Variants in TNK2 observed in about 807,000 individuals in gnomAD.
TNK2 encodes tyrosine kinase non receptor 2.
A neutral mutation model predicts 101.8 loss-of-function variants in TNK2; 83 were observed. The observed-to-expected ratio is 0.82, with a 90% CI of 0.68 to 0.98. The LOEUF (loss-of-function observed/expected upper bound fraction) is 0.98, where lower values mean the gene tolerates loss of function less well. TNK2 is among the 50% of genes least tolerant of loss of function. TNK2 has a pLI of 0.00. For missense variants in TNK2, 1,665 were observed against 1,483.2 expected (o/e 1.12, Z -2.01); for synonymous variants, 804 against 633.0 (o/e 1.27, Z -4.06).
At chr3:195,904,248 T>A (rs1353468550) in intron 1 of TNK2, among the ~76,000 whole-genome samples, 1 of 142,640 alleles carries the variant, frequency 7.0e-6, no homozygotes, top group African/African-American at 2.7e-5. Flanking sequence ...ACAGAGTGAG[T>A]GAGACCTTGT....
intron 1 of TNK2, among the ~76,000 whole-genome samples, chr3:195,900,486 T>C (rs1761090127): frequency 6.6e-6 from 1 of 152,152 alleles, no homozygotes; most frequent in South Asian, 2.1e-4. Context: ...TCCATCTGTA[T>C]CAAGTCTTGA....
intron 10 of TNK2, among the ~76,000 whole-genome samples, chr3:195,871,792 G>A (rs891658122): frequency 3.3e-5 from 5 of 152,224 alleles, no homozygotes; most frequent in Non-Finnish European, 7.3e-5. Context: ...TGCATTTACA[G>A]CCTTCCCCTT....
Position 195,886,909 on chromosome 3 carries a change from G to A in TNK2, c.234+68C>T. On this transcript the variant is annotated intron_variant, in intron 3 of 15. Coordinates refer to ENST00000672887, the MANE Select transcript of TNK2 (RefSeq NM_001382273.1). The surrounding 1 kb of genome is among the most constrained non-coding windows in gnomAD (Gnocchi z 4.2). ...GCCGGGGAGCTGGGGAAGGTTCCCA[G>A]GACCAGAAGCGGAGGGGGGCGTTCG... 1 of 1,565,638 alleles carries A rather than the reference G, an allele frequency of 6.4e-7. No individual in the cohort carries two copies.
chr3:195,878,741 C>T lies in TNK2; in HGVS notation c.1015-149G>A. The stretch of plus-strand genomic sequence containing the variant: ...TCTGCCTGCCTGGGAGGGGCCCTCT[C>T]CAGAGCCCCAGTCCCTTCTTCCCAG... On this transcript the variant is annotated intron_variant, in intron 7 of 15. Coordinates refer to ENST00000672887, the MANE Select transcript of TNK2 (RefSeq NM_001382273.1). This position sits in a 1 kb window ranked among gnomAD's most constrained non-coding sequence, Gnocchi z 4.7. The T allele has an allele frequency of 8.2e-7, 1 of 1,222,648 alleles. No individual in the cohort carries two copies. The highest frequency in any genetic ancestry group is 1.1e-6 in the Non-Finnish European group (1 of 892,662). 75.7% of individuals were successfully genotyped at this position (1,222,648 alleles called of 1,614,324 possible).
intron 1 of TNK2, among the ~76,000 whole-genome samples, chr3:195,902,648 A>T (rs1239869629): frequency 1.5e-5 from 1 of 67,854 alleles, no homozygotes; most frequent in African/African-American, 7.8e-5. Flanking sequence ...AACAAACATA[A>T]AAAAAAAAAA....
chr3:195,893,335 G>A (rs1251820850), intron 1 of TNK2, among the ~76,000 whole-genome samples: 1 of 151,912 alleles, frequency 6.6e-6, no homozygotes, highest in African/African-American at 2.4e-5. Context: ...GGTGGGGTGA[G>A]GATCCTCACC....
At chr3:195,873,369 G>A (rs1265637217) in intron 9 of TNK2, among the ~76,000 whole-genome samples, 3 of 152,242 alleles carry the variant, frequency 2.0e-5, no homozygotes, top group African/African-American at 7.2e-5. Flanking sequence ...TGAGGCTCCC[G>A]CGTCTGCTGC....
rs751027357 is a variant in TNK2, at chr3:195,868,411, C to A, written c.1887G>T (p.Arg629=). The A allele has an allele frequency of 2.5e-6, 4 of 1,578,610 alleles. No individual in the cohort carries two copies. Among genetic ancestry groups the A allele is most frequent in the Admixed American group, 1.8e-5 (1 of 56,570 alleles). Residue 629 remains arginine, a synonymous_variant, in exon 13 of 16, where the codon CGG becomes CGT. Transcript: ENST00000672887. ...PPQSPTRALP[R]PLHPTPVVDW... ...CCACCACAGGCGTGGGGTGCAGGGG[C>A]CGGGGCAGTGCCCGCGTGGGGCTCT...
chr3:195,895,926 G>GCTCCGCGCCGC (rs1378825028), intron 1 of TNK2: 2 of 162,702 alleles, frequency 1.2e-5, no homozygotes, highest in African/African-American at 2.4e-5. Context: ...CGCTCAGCCG[G>GCTCCGCGCCGC]CTCCGCGCCG....
chr3:195,869,943 C>G, intron 11 of TNK2, 171 bp downstream of exon 11: 1 of 595,398 alleles, frequency 1.7e-6, no homozygotes, highest in African/African-American at 1.9e-5. Context: ...ATACAGCTGC[C>G]TGTCTTCCAC....
chr3:195,891,077 A>T (rs995736655), intron 1 of TNK2, among the ~76,000 whole-genome samples: 1 of 152,244 alleles, frequency 6.6e-6, no homozygotes, highest in Non-Finnish European at 1.5e-5. Flanking sequence ...ATGTTAATAT[A>T]ACAGGTTATA....
In TNK2 at chr3:195,884,921, C is replaced by T; in HGVS notation, c.347G>A (p.Ser116Asn). 1 of 1,614,104 alleles carries T rather than the reference C, an allele frequency of 6.2e-7. No homozygotes were observed. The highest frequency in any genetic ancestry group is 8.5e-7 in the Non-Finnish European group (1 of 1,180,014). The change falls in exon 4 of 16, where the codon AGC becomes AAC. Residue 116 changes from serine to asparagine, a missense_variant. Transcript: ENST00000672887. The stretch of plus-strand genomic sequence containing the variant: ...CTTCTCCCCAATGAGGCAGGTGAGG[C>T]TCTGCAGGGGCCCCTCCCCTGCTGG... ...GGPAGEGPLQ[S>N]LTCLIGEKDL... is the part of the protein sequence containing the mutation.
intron 1 of TNK2, chr3:195,895,615 A>C: frequency 3.2e-6 from 4 of 1,263,538 alleles, no homozygotes; most frequent in South Asian, 2.9e-5. Context: ...CCCCGGGCTG[A>C]CCCCCACCGA....
intron 1 of TNK2, among the ~76,000 whole-genome samples, chr3:195,900,765 G>C (rs912406318): frequency 6.6e-6 from 1 of 152,342 alleles, no homozygotes; most frequent in Middle Eastern, 3.4e-3. Context: ...GCACTGTCAC[G>C]GCACGGGGGC....
intron 9 of TNK2, among the ~76,000 whole-genome samples, chr3:195,877,038 C>T (rs371290425): frequency 2.0e-5 from 3 of 152,154 alleles, no homozygotes; most frequent in African/African-American, 4.8e-5. Flanking sequence ...GGCTGGACTT[C>T]GGGCTGGAGG....
At chr3:195,876,486 A>C in intron 9 of TNK2, 1 of 456,802 alleles carries the variant, frequency 2.2e-6, no homozygotes, top group Non-Finnish European at 4.4e-6. Flanking sequence ...AGGCAGCCAA[A>C]CAAACATGGA....
Position 195,866,753 on chromosome 3 carries a change from C to T in TNK2, c.3161+136G>A, listed in dbSNP as rs1364663825. On this transcript the variant is annotated intron_variant, in intron 15 of 15. Coordinates refer to ENST00000672887, the MANE Select transcript of TNK2 (RefSeq NM_001382273.1). The stretch of plus-strand genomic sequence containing the variant: ...ACGATTTGCTGGGCCCTGTGAGCGC[C>T]TCCCTCCCGCAGCTGGAGAGCTGTG... The T allele has an allele frequency of 1.1e-5, 14 of 1,308,404 alleles. No individual in the cohort carries two copies. In the Admixed American group the frequency reaches 2.2e-4, roughly 21 times the overall value. The allele number at this position is 1,308,404 out of a possible 1,614,324, so 81.0% of individuals were successfully genotyped here.
chr3:195,877,920 C>T (rs1001501502), intron 9 of TNK2, among the ~76,000 whole-genome samples: 4 of 148,454 alleles, frequency 2.7e-5, no homozygotes, highest in East Asian at 1.9e-4. Flanking sequence ...GGGAGAGAAG[C>T]GGGGAGGAGC....
intron 1 of TNK2, among the ~76,000 whole-genome samples, chr3:195,891,656 A>AC (rs139172714): frequency 0.096 from 14,092 of 147,308 alleles, 1,787 homozygotes; most frequent in African/African-American, 0.3. Context: ...GAGCAAAGTG[A>AC]CCCCCCCCCT....
Sources: allele counts gnomAD v4.1 joint callset (sites outside exome capture counted in the v4.1 genomes callset), GRCh38; gene constraint gnomAD v4.1.1; non-coding constraint Gnocchi (gnomAD v3.1); transcripts MANE v1.5; gene names NCBI Gene and HGNC (gene_info 2026-07-23, HGNC 2026-07-21).